Variants in ANKRD28 observed in about 807,000 individuals in gnomAD.
The protein encoded by ANKRD28 is ankyrin repeat domain 28, also known as serine/threonine-protein phosphatase 6 regulatory ankyrin repeat subunit A.
A neutral mutation model predicts 126.5 loss-of-function variants in ANKRD28; 44 were observed. The observed-to-expected ratio is 0.35, with a 90% CI of 0.27 to 0.45. ANKRD28 has a LOEUF of 0.45. ANKRD28 is among the 20% of genes least tolerant of loss of function. ANKRD28 has a pLI of 1.00. For missense variants in ANKRD28, 1,110 were observed against 1,316.6 expected (o/e 0.84, Z 2.43); for synonymous variants, 442 against 468.5 (o/e 0.94, Z 0.73).
Position 15,805,018 on chromosome 3 carries a change from C to T in ANKRD28, c.28-9712G>A, listed in dbSNP as rs973171840. On this transcript the variant is annotated intron_variant, in intron 1 of 27. Coordinates refer to the ANKRD28 transcript ENST00000399451. ...CCTCCTCCCAACACACATGTACTTACGTAGCAGGTACTTACGAAAACAGAG... is the reference window on the plus strand; with the variant it reads ...CCTCCTCCCAACACACATGTACTTATGTAGCAGGTACTTACGAAAACAGAG... 1.7e-4 allele frequency among the ~76,000 whole-genome samples: 25 copies of T among 144,674 alleles called. 2 individuals carry two copies. The highest frequency in any genetic ancestry group is 5.8e-4 in the African/African-American group (22 of 38,168). The allele number at this position is 144,674 out of a possible 152,430, so 94.9% of individuals were successfully genotyped here.
At chr3:15,710,330 CTA>C (rs1236049179) in intron 12 of ANKRD28, among the ~76,000 whole-genome samples, 1 of 152,162 alleles carries the variant, frequency 6.6e-6, no homozygotes, top group East Asian at 1.9e-4. Flanking sequence ...CATCAAATTA[CTA>C]TGTTACAATG....
At chr3:15,687,405 TA>T (rs2068260040) in intron 18 of ANKRD28, among the ~76,000 whole-genome samples, 1 of 151,944 alleles carries the variant, frequency 6.6e-6, no homozygotes, top group Non-Finnish European at 1.5e-5. Context: ...TCCAAATGCA[TA>T]AAATGGGCAA....
At chr3:15,715,988 T>C (rs991062383) in intron 8 of ANKRD28, among the ~76,000 whole-genome samples, 13 of 151,920 alleles carry the variant, frequency 8.6e-5, no homozygotes, top group Non-Finnish European at 1.6e-4. Context: ...GGCCTTTTTT[T>C]TCTCTCTTTT....
At chr3:15,708,177 C>A (rs772814439) in intron 13 of ANKRD28, 113 bp from the exon 14 acceptor site, 1 of 1,214,400 alleles carries the variant, frequency 8.2e-7, no homozygotes. Context: ...TACAGTGAGA[C>A]TTAGACTACC....
intron 2 of ANKRD28, among the ~76,000 whole-genome samples, chr3:15,783,570 T>TC: frequency 6.6e-6 from 1 of 152,106 alleles, no homozygotes; most frequent in East Asian, 1.9e-4. Context: ...ACACACATGT[T>TC]CACAGTACAT....
upstream of ANKRD28, among the ~76,000 whole-genome samples, chr3:15,799,082 A>G (rs1181137791): frequency 6.6e-6 from 1 of 152,032 alleles, no homozygotes; most frequent in East Asian, 1.9e-4. Flanking sequence ...TACTCTTTCT[A>G]ATCTATTCTG....
chr3:15,727,525 C>A (rs112007725), intron 6 of ANKRD28, among the ~76,000 whole-genome samples: 7 of 137,726 alleles, frequency 5.1e-5, no homozygotes, highest in African/African-American at 2.0e-4. Context: ...CAAGATCACA[C>A]CACTGCACTC....
At chr3:15,840,862 C>T (rs545452814) in intron 1 of ANKRD28, among the ~76,000 whole-genome samples, 72 of 152,242 alleles carry the variant, frequency 4.7e-4, no homozygotes, top group African/African-American at 6.0e-4. Flanking sequence ...GACTCCTGGC[C>T]GGGTGTGGTG....
At chr3:15,705,310 T>A (rs1206253620) in intron 14 of ANKRD28, among the ~76,000 whole-genome samples, 9 of 152,224 alleles carry the variant, frequency 5.9e-5, no homozygotes, top group Non-Finnish European at 1.2e-4. Flanking sequence ...TTGAATTATA[T>A]GTTATTCCTT....
At chr3:15,834,098 G>GT (rs1173329149) in intron 1 of ANKRD28, among the ~76,000 whole-genome samples, 1 of 151,958 alleles carries the variant, frequency 6.6e-6, no homozygotes, top group Non-Finnish European at 1.5e-5. Flanking sequence ...TCTCATTTGT[G>GT]TATTTTTGTT....
chr3:15,850,224 T>TATATATAGAGAGAGAGAGAGAGAG (rs1418223588), intron 1 of ANKRD28, among the ~76,000 whole-genome samples: 1 of 35,110 alleles, frequency 2.8e-5, no homozygotes, highest in Non-Finnish European at 6.0e-5. Context: ...TATATATATA[T>TATATATAGAGAGAGAGAGAGAGAG]AGAGAGAGAG....
intron 1 of ANKRD28, among the ~76,000 whole-genome samples, chr3:15,851,737 T>C (rs1158075547): frequency 6.6e-6 from 1 of 152,126 alleles, no homozygotes; most frequent in Non-Finnish European, 1.5e-5. Flanking sequence ...GAATAGTTCC[T>C]CAAAAGGCTA....
At chr3:15,754,754 G>C (rs2125409568) in intron 3 of ANKRD28, among the ~76,000 whole-genome samples, 1 of 152,250 alleles carries the variant, frequency 6.6e-6, no homozygotes, top group Admixed American at 6.5e-5. Flanking sequence ...TTGGTGGTGG[G>C]AGGCACATTG....
chr3:15,712,337 A>G, intron 10 of ANKRD28, 115 bp from the exon 11 acceptor site: 1 of 799,614 alleles, frequency 1.3e-6, no homozygotes, highest in South Asian at 1.7e-5. Flanking sequence ...CAAAATGTCT[A>G]ACACTTCGGA....
At chr3:15,834,184 T>C (rs1304156497) in intron 1 of ANKRD28, among the ~76,000 whole-genome samples, 1 of 152,188 alleles carries the variant, frequency 6.6e-6, no homozygotes, top group Non-Finnish European at 1.5e-5. Flanking sequence ...AGTATTTTTA[T>C]AGTTTCAGGT....
intron 18 of ANKRD28, among the ~76,000 whole-genome samples, chr3:15,687,692 T>A (rs2068298908): frequency 6.6e-6 from 1 of 151,502 alleles, no homozygotes; most frequent in South Asian, 2.1e-4. Flanking sequence ...GTGGCTTAAA[T>A]CACCTCTCCT....
intron 6 of ANKRD28, among the ~76,000 whole-genome samples, chr3:15,724,965 A>G (rs1198707256): frequency 1.3e-5 from 2 of 152,166 alleles, no homozygotes; most frequent in Non-Finnish European, 1.5e-5. Flanking sequence ...TGGGCAATGG[A>G]GCGAGGCCTT....
chr3:15,698,692 A>C (rs1279160007), intron 14 of ANKRD28, among the ~76,000 whole-genome samples: 2 of 152,214 alleles, frequency 1.3e-5, no homozygotes, highest in Non-Finnish European at 2.9e-5. Context: ...GGGGATGTGA[A>C]GGACCTCTTC....
chr3:15,803,547 G>T (rs1332754420), intron 1 of ANKRD28, among the ~76,000 whole-genome samples: 1 of 151,530 alleles, frequency 6.6e-6, no homozygotes, highest in Non-Finnish European at 1.5e-5. Context: ...AACCTGGGAG[G>T]TGGAGGCTGT....
Sources: gnomAD v4.1 joint callset for allele counts (sites outside exome capture counted in the v4.1 genomes callset) on GRCh38, gnomAD v4.1.1 for gene constraint, MANE v1.5 for transcripts, NCBI Gene and HGNC (gene_info 2026-07-23, HGNC 2026-07-21) for gene names.